ZNF385C: variants seen among roughly 807,000 people sequenced by gnomAD.
ZNF385C encodes the protein zinc finger protein 385C.
In ZNF385C, 28 loss-of-function variants were observed where a neutral mutation model predicts 35.4. That is an observed-to-expected ratio of 0.79 (90% CI 0.59 to 1.08). The LOEUF is 1.08. Among genes scored for constraint, ZNF385C ranks in the 50% least tolerant of loss-of-function variants. The probability of loss-of-function intolerance (pLI) is 0.00; values close to 1 mark genes in which losing one functional copy is unlikely to be tolerated. For missense variants in ZNF385C, 605 were observed against 595.6 expected (o/e 1.02, Z -0.16); for synonymous variants, 248 against 248.2 (o/e 1.00, Z 0.01).
intron 2 of ZNF385C, among the ~76,000 whole-genome samples, chr17:42,058,019 G>T (rs1159423832): frequency 1.3e-5 from 2 of 152,128 alleles, no homozygotes; most frequent in African/African-American, 4.8e-5. Context: ...TCGGGGCAGT[G>T]CTTGGAGGAG....
chr17:42,031,199 T>C (rs2052721321), intron 5 of ZNF385C, among the ~76,000 whole-genome samples: 1 of 152,066 alleles, frequency 6.6e-6, no homozygotes, highest in Non-Finnish European at 1.5e-5. Context: ...TCATCATGCC[T>C]GGCAAATAAA....
intron 1 of ZNF385C, among the ~76,000 whole-genome samples, chr17:42,072,558 C>G (rs1416422936): frequency 6.6e-6 from 1 of 152,014 alleles, no homozygotes; most frequent in Non-Finnish European, 1.5e-5. Context: ...GCGCCCGCGC[C>G]TACCTGGAGA....
At position 42,072,221 on chromosome 17, in the gene ZNF385C, A is replaced by T. The variant is rs572993823; in HGVS notation, c.-2-9163T>A. ...ACTTCTTAAGAAAAGACGGTGGGTT[A>T]TCTGGTCGCGCCCCCTATCTCCGGA... On this transcript the variant is annotated intron_variant, in intron 1 of 8. Coordinates refer to ENST00000692273, the MANE Select transcript of ZNF385C (RefSeq NM_001392013.1). Among the ~76,000 whole-genome samples the T allele has an allele frequency of 3.9e-5, 6 of 152,110 alleles. 1 individual carries two copies. The highest frequency in any genetic ancestry group is 1.4e-4 in the African/African-American group (6 of 41,508).
At chr17:42,027,554 G>GCCCCACCC in intron 8 of ZNF385C, 64 bp downstream of exon 8, 2 of 556,880 alleles carry the variant, frequency 3.6e-6, no homozygotes, top group Non-Finnish European at 3.3e-6. Context: ...CCCCCATCTG[G>GCCCCACCC]CCCTCCCAGC....
rs1376989662 is a variant in ZNF385C, at chr17:42,025,692, A to G, written c.*1205T>C. 1 of 152,596 alleles carries G rather than the reference A, an allele frequency of 6.6e-6. No individual in the cohort carries two copies. Among genetic ancestry groups the G allele is most frequent in the Admixed American group, 6.5e-5 (1 of 15,272 alleles). 9.5% of individuals were successfully genotyped at this position (152,596 alleles called of 1,614,324 possible). A position where few individuals can be genotyped will look rare whatever the true frequency, so the allele number is the denominator to read the frequency against. ...GGTTCTCCCATTGGAAATGTCTTTA[A>G]AAAACAAAAAAAAGATACAGGGGGA... On this transcript the variant is annotated 3_prime_UTR_variant, in exon 9 of 9. Coordinates refer to ENST00000692273, the MANE Select transcript of ZNF385C (RefSeq NM_001392013.1).
chr17:42,046,605 A>G (rs2053166259), intron 2 of ZNF385C, among the ~76,000 whole-genome samples: 1 of 152,114 alleles, frequency 6.6e-6, no homozygotes, highest in African/African-American at 2.4e-5. Flanking sequence ...GTCTCAAAAT[A>G]AATAAATAGA....
At chr17:42,075,346 C>T (rs137879279) in intron 1 of ZNF385C, among the ~76,000 whole-genome samples, 12 of 152,308 alleles carry the variant, frequency 7.9e-5, no homozygotes, top group Non-Finnish European at 1.8e-4. Flanking sequence ...GCTCCTCCCC[C>T]AGGGTAGTTC....
chr17:42,086,828 C>CT lies in ZNF385C; in HGVS notation c.-3+11581dup, dbSNP rs531764608. Among the ~76,000 whole-genome samples the CT allele has an allele frequency of 4.9e-3, 647 of 132,360 alleles. 4 individuals are homozygous for CT. Among genetic ancestry groups the CT allele is most frequent in the African/African-American group, 0.011 (388 of 36,320 alleles). The allele number at this position is 132,360 out of a possible 152,430, so 86.8% of individuals were successfully genotyped here. A position where few individuals can be genotyped will look rare whatever the true frequency, so the allele number is the denominator to read the frequency against. ...TTCCCATATGTAACTCAGTTTAATA[C>CT]TTTTTTTTTTTTTTTTTTAGATAGA... On this transcript the variant is annotated intron_variant, in intron 1 of 8. Transcript: ENST00000692273.
At chr17:42,074,548 C>T (rs949085810) in intron 1 of ZNF385C, among the ~76,000 whole-genome samples, 22 of 152,128 alleles carry the variant, frequency 1.4e-4, no homozygotes, top group African/African-American at 5.3e-4. Context: ...CATGCCACTA[C>T]GCTAGGTTAT....
chr17:42,041,879 A>G (rs191834197), intron 2 of ZNF385C, among the ~76,000 whole-genome samples: 1 of 152,328 alleles, frequency 6.6e-6, no homozygotes, highest in East Asian at 1.9e-4. Context: ...GGAGAGGGCC[A>G]GGGATAAGCC....
intron 1 of ZNF385C, among the ~76,000 whole-genome samples, chr17:42,091,179 G>A (rs193193136): frequency 6.6e-6 from 1 of 152,274 alleles, no homozygotes; most frequent in East Asian, 1.9e-4. Flanking sequence ...GCATGAGCCT[G>A]TAATCCTAGC....
intron 1 of ZNF385C, among the ~76,000 whole-genome samples, chr17:42,091,128 G>A (rs553520531): frequency 1.5e-4 from 23 of 152,170 alleles, no homozygotes; most frequent in African/African-American, 5.5e-4. Context: ...ATTTCAGTGG[G>A]AGAACAAAGA....
chr17:42,032,539 A>G (rs1555655086), intron 4 of ZNF385C, among the ~76,000 whole-genome samples: 1 of 152,214 alleles, frequency 6.6e-6, no homozygotes, highest in Non-Finnish European at 1.5e-5. Context: ...ATCAATGCAC[A>G]AATGGAGAAA....
intron 2 of ZNF385C, among the ~76,000 whole-genome samples, chr17:42,057,736 G>A (rs1343257952): frequency 1.3e-5 from 2 of 152,062 alleles, no homozygotes; most frequent in African/African-American, 4.8e-5. Flanking sequence ...CTGAGGTCAG[G>A]AGTTTGAGAC....
At chr17:42,072,335 T>C (rs1460652268) in intron 1 of ZNF385C, among the ~76,000 whole-genome samples, 3 of 152,096 alleles carry the variant, frequency 2.0e-5, no homozygotes, top group African/African-American at 7.2e-5. Context: ...TGGAAGTCCT[T>C]CTTGCCATCA....
rs543850853 is a variant in ZNF385C at position 42,054,288 on chromosome 17, G to T, written c.250+8519C>A. ...GCTGCTGGTCCTGCTCTGCCTGCTG[G>T]ATGGCTCTTGCCGCCCTCTTGCCTC... On this transcript the variant is annotated intron_variant, in intron 2 of 8. Coordinates refer to ENST00000692273, the MANE Select transcript of ZNF385C (RefSeq NM_001392013.1). Among the ~76,000 whole-genome samples, 18 of 152,332 alleles carry T rather than the reference G, an allele frequency of 1.2e-4. No individual in the cohort carries two copies. In the East Asian group the frequency reaches 3.3e-3, roughly 28 times the overall value.
chr17:42,026,765 G>C lies in ZNF385C; in HGVS notation c.*132C>G. The C allele has an allele frequency of 1.1e-6, 1 of 910,710 alleles. No individual in the cohort carries two copies. The highest frequency in any genetic ancestry group is 1.8e-6 in the Non-Finnish European group (1 of 568,022). The allele number at this position is 910,710 out of a possible 1,614,324, so 56.4% of individuals were successfully genotyped here. On this transcript the variant is annotated 3_prime_UTR_variant, in exon 9 of 9. Transcript: ENST00000692273. ...GGCAGCTGCCCTTAAAACTAGCCCA[G>C]CTCTTTCTGGATCGGGCAGGACCCC...
chr17:42,034,300 C>T lies in ZNF385C; in HGVS notation c.435G>A (p.Thr145=), dbSNP rs975149007. The T allele has an allele frequency of 2.6e-6, 4 of 1,550,554 alleles. No individual in the cohort carries two copies. The highest frequency in any genetic ancestry group is 1.4e-5 in the African/African-American group (1 of 73,136). ...DPVQKAVISH[T]FGVPSPLKKK... Reference sequence around the variant, plus strand: ...TCTTCAGAGGGGAGGGGACACCAAACGTGTGGCTGATGACAGCTTTCTGGA... The same window carrying T: ...TCTTCAGAGGGGAGGGGACACCAAATGTGTGGCTGATGACAGCTTTCTGGA... The change falls in exon 4 of 9, where the codon ACG becomes ACA. Residue 145 remains threonine (T), a synonymous_variant. Transcript: ENST00000692273.
At chr17:42,044,343 G>A (rs1354614309) in intron 2 of ZNF385C, among the ~76,000 whole-genome samples, 4 of 149,410 alleles carry the variant, frequency 2.7e-5, no homozygotes, top group African/African-American at 7.4e-5. Flanking sequence ...ACGGCCGGGT[G>A]GGGTGGCTCA....
Sources: gnomAD v4.1 joint callset for allele counts (sites outside exome capture counted in the v4.1 genomes callset) on GRCh38, gnomAD v4.1.1 for gene constraint, MANE v1.5 for transcripts, NCBI Gene and HGNC (gene_info 2026-07-23, HGNC 2026-07-21) for gene names.